Variants in IPCEF1 observed in about 807,000 individuals in gnomAD.
IPCEF1 encodes interactor protein for cytohesin exchange factors 1.
In IPCEF1, 31 loss-of-function variants were observed where a neutral mutation model predicts 50.9. The observed-to-expected ratio is 0.61, with a 90% CI of 0.46 to 0.82. The LOEUF is 0.82. Ranked by LOEUF, IPCEF1 falls within the 40% of genes least tolerant of loss-of-function variation. The pLI is 0.00. For synonymous variants in IPCEF1, 181 were observed against 192.0 expected (o/e 0.94, Z 0.47); for missense variants, 458 against 514.0 (o/e 0.89, Z 1.05).
At position 154,160,027 on chromosome 6, in the gene IPCEF1, T is replaced by G. The variant is rs746421022; in HGVS notation, c.1118A>C (p.Asp373Ala). 6.2e-7 allele frequency: 1 copy of G among 1,611,566 alleles called. No homozygotes were observed. The highest frequency in any genetic ancestry group is 1.1e-5 in the South Asian group (1 of 90,736). The change falls in exon 12 of 12, where the codon GAT (aspartate) becomes GCT (alanine). Residue 373 changes from aspartate (D) to alanine (A), a missense_variant. Coordinates refer to ENST00000367220, the MANE Select transcript of IPCEF1 (RefSeq NM_001130700.2). Reference sequence around the variant, plus strand: ...CAGCAACTGGTTAATCATGGCCAGATCATGTTCTTTACACTGTGTGAGTAG... The same window carrying G: ...CAGCAACTGGTTAATCATGGCCAGAGCATGTTCTTTACACTGTGTGAGTAG... Reference protein sequence around the residue: ...LNSTLKCKEHDLAMINQLLDD... With the variant: ...LNSTLKCKEHALAMINQLLDD...
At chr6:154,213,497 T>C (rs1474234633) in intron 8 of IPCEF1, among the ~76,000 whole-genome samples, 1 of 152,218 alleles carries the variant, frequency 6.6e-6, no homozygotes, top group Admixed American at 6.5e-5. Context: ...TATTGCACGG[T>C]ACCCCTTTAC....
At chr6:154,258,715 C>G (rs1250166488) in intron 3 of IPCEF1, among the ~76,000 whole-genome samples, 1 of 152,186 alleles carries the variant, frequency 6.6e-6, no homozygotes, top group Non-Finnish European at 1.5e-5. Context: ...CAATGACCAA[C>G]CATCTCATTC....
chr6:154,237,687 A>C (rs554324033), intron 5 of IPCEF1, among the ~76,000 whole-genome samples: 1 of 152,284 alleles, frequency 6.6e-6, no homozygotes, highest in Admixed American at 6.5e-5. Context: ...CCTCATAATA[A>C]AGTACAGGAT....
intron 1 of IPCEF1, among the ~76,000 whole-genome samples, chr6:154,356,065 T>C (rs1294993719): frequency 6.6e-6 from 1 of 152,194 alleles, no homozygotes; most frequent in Non-Finnish European, 1.5e-5. Context: ...ACTGCTGTAG[T>C]CAAAGATGCT....
chr6:154,202,907 G>A (rs541951948), intron 9 of IPCEF1, among the ~76,000 whole-genome samples: 3 of 152,264 alleles, frequency 2.0e-5, no homozygotes, highest in Non-Finnish European at 4.4e-5. Context: ...AAGAGGAAAA[G>A]GAAAATGAGA....
chr6:154,331,297 A>T (rs1783653296), intron 1 of IPCEF1, among the ~76,000 whole-genome samples: 1 of 150,982 alleles, frequency 6.6e-6, no homozygotes, highest in South Asian at 2.1e-4. Flanking sequence ...TTGAGAGAGA[A>T]AGAAAGAAAG....
chr6:154,326,839 A>G (rs1053868574), intron 1 of IPCEF1, among the ~76,000 whole-genome samples: 3 of 152,212 alleles, frequency 2.0e-5, no homozygotes, highest in Admixed American at 2.0e-4. Flanking sequence ...AGTAACCAAA[A>G]TGTCATGGTA....
intron 1 of IPCEF1, among the ~76,000 whole-genome samples, chr6:154,312,635 C>T (rs1014602011): frequency 2.0e-5 from 3 of 151,934 alleles, no homozygotes; most frequent in Non-Finnish European, 4.4e-5. Context: ...TGTGAGCCAC[C>T]GCACCTGGCC....
chr6:154,341,857 A>T (rs1783925145), intron 1 of IPCEF1, among the ~76,000 whole-genome samples: 1 of 152,182 alleles, frequency 6.6e-6, no homozygotes, highest in African/African-American at 2.4e-5. Context: ...GTATGCCTTC[A>T]CCTAAAAAGA....
intron 9 of IPCEF1, among the ~76,000 whole-genome samples, chr6:154,209,092 G>C (rs1418177111): frequency 1.3e-5 from 2 of 152,040 alleles, no homozygotes; most frequent in Non-Finnish European, 2.9e-5. Context: ...GTCCAAACTG[G>C]TTTCATTGTT....
intron 5 of IPCEF1, among the ~76,000 whole-genome samples, chr6:154,244,655 T>C (rs1053566688): frequency 1.3e-5 from 2 of 152,192 alleles, no homozygotes; most frequent in African/African-American, 4.8e-5. Context: ...AGGTAACTCA[T>C]TTCTCCTCTA....
intron 1 of IPCEF1, among the ~76,000 whole-genome samples, chr6:154,335,015 C>T (rs1237117450): frequency 6.6e-6 from 1 of 151,916 alleles, no homozygotes; most frequent in Non-Finnish European, 1.5e-5. Flanking sequence ...CCTGTAAAAC[C>T]AAGAATATAA....
chr6:154,181,806 T>C (rs1800900081), intron 10 of IPCEF1, among the ~76,000 whole-genome samples: 1 of 152,160 alleles, frequency 6.6e-6, no homozygotes, highest in Admixed American at 6.5e-5. Context: ...TCAGATTACC[T>C]TCTTGGGGAC....
intron 9 of IPCEF1, among the ~76,000 whole-genome samples, chr6:154,208,153 T>C (rs1407639094): frequency 2.0e-5 from 3 of 152,034 alleles, no homozygotes; most frequent in African/African-American, 2.4e-5. Context: ...CTCCCTAAAG[T>C]CCTTAACTGG....
intron 3 of IPCEF1, among the ~76,000 whole-genome samples, chr6:154,256,115 C>T (rs1163916638): frequency 1.3e-5 from 2 of 152,128 alleles, no homozygotes; most frequent in African/African-American, 4.8e-5. Context: ...GCTTAAACAA[C>T]AAATATTTAT....
At chr6:154,269,481 C>A (rs1485372636) in intron 2 of IPCEF1, among the ~76,000 whole-genome samples, 1 of 151,536 alleles carries the variant, frequency 6.6e-6, no homozygotes, top group Non-Finnish European at 1.5e-5. Flanking sequence ...TTTTTCTTTT[C>A]TTTTCCTTTC....
intron 1 of IPCEF1, among the ~76,000 whole-genome samples, chr6:154,347,513 G>A (rs76403181): frequency 0.022 from 3,333 of 152,356 alleles, 106 homozygotes; most frequent in African/African-American, 0.074. Flanking sequence ...CAAGAGGACA[G>A]TACATGTTAC....
intron 1 of IPCEF1, among the ~76,000 whole-genome samples, chr6:154,313,093 C>T (rs1241648238): frequency 1.7e-4 from 15 of 85,834 alleles, no homozygotes; most frequent in Non-Finnish European, 2.8e-4. Context: ...AAAACATGGC[C>T]GGGCACAGTG....
chr6:154,355,249 T>C (rs528609992), intron 1 of IPCEF1, among the ~76,000 whole-genome samples: 14 of 152,322 alleles, frequency 9.2e-5, no homozygotes, highest in Admixed American at 5.9e-4. Context: ...AAGAACTTCC[T>C]ATTTCCATAC....
Sources: gnomAD v4.1 joint callset for allele counts (sites outside exome capture counted in the v4.1 genomes callset) on GRCh38, gnomAD v4.1.1 for gene constraint, MANE v1.5 for transcripts, NCBI Gene and HGNC (gene_info 2026-07-23, HGNC 2026-07-21) for gene names.